Variants in SYNPR observed in about 807,000 individuals in gnomAD.
The protein encoded by SYNPR is synaptoporin.
SYNPR carries 23 observed loss-of-function variants against 32.9 expected under a neutral mutation model. The observed-to-expected ratio is 0.70, with a 90% confidence interval of 0.50 to 0.99. SYNPR has a LOEUF of 0.99. SYNPR is among the 50% of genes least tolerant of loss of function. SYNPR has a pLI of 0.00. For synonymous variants in SYNPR, 146 were observed against 135.9 expected (o/e 1.07, Z -0.52); for missense variants, 318 against 349.3 (o/e 0.91, Z 0.71).
rs57078088 is a variant in SYNPR, at chr3:63,232,192, CTTTTTTTTTTT to C, written n.66+3829_66+3839del. Among the ~76,000 whole-genome samples, 38 of 59,536 alleles carry C rather than the reference CTTTTTTTTTTT, an allele frequency of 6.4e-4. 1 individual carries two copies. Among genetic ancestry groups the C allele is most frequent in the Admixed American group, 1.9e-3 (7 of 3,638 alleles). 39.1% of individuals were successfully genotyped at this position (59,536 alleles called of 152,430 possible). A position where few individuals can be genotyped will look rare whatever the true frequency, so the allele number is the denominator to read the frequency against. On this transcript the variant is annotated intron_variant and non_coding_transcript_variant, in intron 1 of 4. Transcript: ENST00000478456. Reference sequence around the variant, plus strand: ...CTCAAGTGAGTATTTCAGATTCTGACTTTTTTTTTTTTTTTTTTTTTTTTTTTGAGACAGAG... The same window carrying C: ...CTCAAGTGAGTATTTCAGATTCTGACTTTTTTTTTTTTTTTTGAGACAGAG...
At chr3:63,352,574 A>G (rs2087523988) in intron 2 of SYNPR, among the ~76,000 whole-genome samples, 1 of 152,234 alleles carries the variant, frequency 6.6e-6, no homozygotes, top group Non-Finnish European at 1.5e-5. Context: ...AAAAGGGGAC[A>G]TTGATGAACA....
chr3:63,209,706 T>G, the SYNPR span, among the ~76,000 whole-genome samples: 2 of 152,184 alleles, frequency 1.3e-5, no homozygotes, highest in African/African-American at 4.8e-5. Context: ...CCCTCACATA[T>G]GGGTTCAAGC....
chr3:63,421,794 G>A (rs1021744863), intron 2 of SYNPR, among the ~76,000 whole-genome samples: 7 of 152,174 alleles, frequency 4.6e-5, no homozygotes, highest in African/African-American at 1.4e-4. Context: ...CTGGAGGACT[G>A]AGGCCCCACA....
chr3:63,589,069 A>C (rs1221178716), intron 4 of SYNPR, among the ~76,000 whole-genome samples: 1 of 152,092 alleles, frequency 6.6e-6, no homozygotes, highest in Non-Finnish European at 1.5e-5. Flanking sequence ...AGCAGGTAGT[A>C]AAGAAGAGTC....
chr3:63,255,955 T>C (rs1575577453), intron 2 of SYNPR, among the ~76,000 whole-genome samples: 1 of 152,160 alleles, frequency 6.6e-6, no homozygotes, highest in African/African-American at 2.4e-5. Context: ...CCTACGCCCA[T>C]TGAGCCTCAC....
chr3:63,370,308 T>C (rs17068392), intron 2 of SYNPR, among the ~76,000 whole-genome samples: 20,493 of 152,212 alleles, frequency 0.13, 2,120 homozygotes, highest in East Asian at 0.56. Flanking sequence ...CTTGGCAAGA[T>C]TTCATTTAGA....
At chr3:63,576,548 T>G (rs1255903963) in intron 4 of SYNPR, among the ~76,000 whole-genome samples, 1 of 151,856 alleles carries the variant, frequency 6.6e-6, no homozygotes, top group Non-Finnish European at 1.5e-5. Flanking sequence ...TCCCAACACT[T>G]TGGGAGGCTG....
At chr3:63,575,131 A>G (rs923249738) in intron 4 of SYNPR, among the ~76,000 whole-genome samples, 1 of 152,076 alleles carries the variant, frequency 6.6e-6, no homozygotes, top group African/African-American at 2.4e-5. Flanking sequence ...ATCCACCCCC[A>G]CAAGCATGAG....
At chr3:63,365,032 G>A (rs1327599263) in intron 2 of SYNPR, among the ~76,000 whole-genome samples, 1 of 152,136 alleles carries the variant, frequency 6.6e-6, no homozygotes, top group East Asian at 1.9e-4. Context: ...AAAACAACCT[G>A]CACAAGTCCA....
At chr3:63,565,382 A>G (rs532522347) in intron 4 of SYNPR, among the ~76,000 whole-genome samples, 13 of 152,220 alleles carry the variant, frequency 8.5e-5, no homozygotes, top group Admixed American at 5.9e-4. Context: ...AGCAGGTTCT[A>G]TTGCTTGGTG....
At chr3:63,357,357 T>C (rs2087597186) in intron 2 of SYNPR, among the ~76,000 whole-genome samples, 2 of 152,132 alleles carry the variant, frequency 1.3e-5, no homozygotes, top group African/African-American at 2.4e-5. Flanking sequence ...TTTTGAAGAA[T>C]AATCAATGTC....
chr3:63,369,864 G>T lies in SYNPR; in HGVS notation c.84+91122G>T, dbSNP rs576055111. Among the ~76,000 whole-genome samples the T allele has an allele frequency of 2.0e-5, 3 of 152,236 alleles. 1 individual carries two copies. The highest frequency in any genetic ancestry group is 4.2e-4 in the South Asian group (2 of 4,816). ...CCTTAACACTGTATGGAATTCTGAG[G>T]TTGATTTGAGTTCATGAAGACTAAG... On this transcript the variant is annotated intron_variant, in intron 2 of 5. Transcript: ENST00000478300.
upstream of SYNPR, among the ~76,000 whole-genome samples, chr3:63,228,074 A>G (rs924266107): frequency 2.0e-5 from 3 of 152,196 alleles, no homozygotes; most frequent in Admixed American, 6.6e-5. Context: ...TAATCTATTC[A>G]GGCAGCTGGA....
chr3:63,432,288 T>C (rs1189804187), intron 2 of SYNPR, among the ~76,000 whole-genome samples: 1 of 152,098 alleles, frequency 6.6e-6, no homozygotes, highest in Non-Finnish European at 1.5e-5. Flanking sequence ...TGTCCTTGTC[T>C]CTCAGGAGGA....
intron 2 of SYNPR, among the ~76,000 whole-genome samples, chr3:63,266,806 C>T (rs1385172124): frequency 6.6e-6 from 1 of 151,924 alleles, no homozygotes; most frequent in Non-Finnish European, 1.5e-5. Flanking sequence ...TATGGAGGCT[C>T]ACTCAGGGCT....
intron 2 of SYNPR, chr3:63,452,089 G>A (rs969477791): frequency 1.0e-5 from 7 of 701,744 alleles, no homozygotes; most frequent in African/African-American, 1.8e-5. Flanking sequence ...TTTCTCAAAC[G>A]TTTTTTCTCT....
At chr3:63,300,782 C>T (rs2086837510) in intron 2 of SYNPR, among the ~76,000 whole-genome samples, 1 of 152,030 alleles carries the variant, frequency 6.6e-6, no homozygotes, top group Admixed American at 6.6e-5. Context: ...GTATCTGAAA[C>T]CATATCCTCG....
chr3:63,379,717 TA>T (rs1408515074), intron 2 of SYNPR, among the ~76,000 whole-genome samples: 4 of 152,156 alleles, frequency 2.6e-5, no homozygotes, highest in Non-Finnish European at 5.9e-5. Context: ...CTCTAAGTTT[TA>T]GGGTACATGT....
intron 4 of SYNPR, among the ~76,000 whole-genome samples, chr3:63,592,333 A>T (rs1479105301): frequency 6.6e-6 from 1 of 152,178 alleles, no homozygotes; most frequent in African/African-American, 2.4e-5. Context: ...ATAATTTTAT[A>T]GCAGTACTAG....
Sources: gnomAD v4.1 joint callset for allele counts (sites outside exome capture counted in the v4.1 genomes callset) on GRCh38, gnomAD v4.1.1 for gene constraint, MANE v1.5 for transcripts, NCBI Gene and HGNC (gene_info 2026-07-23, HGNC 2026-07-21) for gene names.